The following DUS3L variants were observed in gnomAD, a reference collection of about 807,000 sequenced individuals.
DUS3L encodes dihydrouridine synthase 3 like, also known as tRNA-dihydrouridine(47) synthase [NAD(P)(+)]-like.
Under a neutral mutation model 74.6 loss-of-function variants are expected in DUS3L, and 62 were observed. The ratio of observed to expected loss-of-function variants is 0.83; its 90% CI spans 0.68 to 1.03. The LOEUF (loss-of-function observed/expected upper bound fraction) is 1.03. Among genes scored for constraint, DUS3L ranks in the 50% least tolerant of loss-of-function variants. DUS3L has a pLI of 0.00. For missense variants in DUS3L, 884 were observed against 924.4 expected, an observed-to-expected ratio of 0.96 and a Z score of 0.57; for synonymous variants, 433 against 395.7, an observed-to-expected ratio of 1.09 and a Z score of -1.12.
rs748437411 is a variant in DUS3L, at chr19:5,785,788, G to A, written c.1566C>T (p.Gly522=). The part of the protein sequence containing the change: ...TGVTGIMIAR[G]ALLKPWLFTE... ...TGAAGAGCCACGGCTTGAGCAGGGC[G>A]CCACTGTGGGACGGGTGACGATCAG... Residue 522 remains glycine (G), a synonymous_variant, in exon 11 of 13, where the codon GGC becomes GGT. Coordinates refer to ENST00000309061, the MANE Select transcript of DUS3L (RefSeq NM_020175.3). 35 of 1,591,110 alleles carry A rather than the reference G, an allele frequency of 2.2e-5. No individual in the cohort carries two copies. The East Asian group carries it at 5.4e-4, about 25-fold the overall frequency.
rs1481473449 is a variant in DUS3L at position 5,791,025 on chromosome 19, T to G, written c.98+19A>C. Reference sequence around the variant, plus strand: ...GCCGGAAAAGGCCCTTCAGCTTCCCTCCTGCCCCGGCGACTCACTGACGCT... The same window carrying G: ...GCCGGAAAAGGCCCTTCAGCTTCCCGCCTGCCCCGGCGACTCACTGACGCT... On this transcript the variant is annotated intron_variant, in intron 1 of 12. Transcript: ENST00000309061. 6.3e-7 allele frequency: 1 copy of G among 1,582,414 alleles called. No individual in the cohort carries two copies. The highest frequency in any genetic ancestry group is 8.6e-7 in the Non-Finnish European group (1 of 1,164,292).
At chr19:5,790,016 C>T in intron 2 of DUS3L, 31 bp downstream of exon 2, 1 of 1,606,724 alleles carries the variant, frequency 6.2e-7, no homozygotes, top group Non-Finnish European at 8.5e-7. Context: ...CCTGCCTGCC[C>T]CGGCAGGAAT....
intron 1 of DUS3L, 101 bp from the exon 2 acceptor site, chr19:5,790,436 T>G (rs147569003): frequency 1.3e-5 from 19 of 1,436,254 alleles, no homozygotes; most frequent in Admixed American, 1.9e-5. Flanking sequence ...CTTCTGCTGA[T>G]GGGGAGCTCA....
rs767431401 is a variant in DUS3L, at chr19:5,791,124, C to T, written c.18G>A (p.Ala6=). Residue 6 remains alanine, a synonymous_variant, in exon 1 of 13, where the codon GCG becomes GCA. Coordinates refer to ENST00000309061, the MANE Select transcript of DUS3L (RefSeq NM_020175.3). MAEGT[A]EAPLENGGGG... ...CACCACCATTCTCTAGAGGAGCCTCCGCCGTTCCCTCCGCCATCGGCGCCC... is the reference window on the plus strand; with the variant it reads ...CACCACCATTCTCTAGAGGAGCCTCTGCCGTTCCCTCCGCCATCGGCGCCC... The T allele has an allele frequency of 5.0e-6, 8 of 1,606,892 alleles. No individual in the cohort carries two copies. The highest frequency in any genetic ancestry group is 4.5e-5 in the South Asian group (4 of 89,520).
At chr19:5,789,932 G>C in intron 2 of DUS3L, 115 bp downstream of exon 2, 1 of 1,429,020 alleles carries the variant, frequency 7.0e-7, no homozygotes, top group Non-Finnish European at 9.5e-7. Context: ...TGGCATCAGA[G>C]CAAGCTCACT....
chr19:5,789,154 T>TA, intron 3 of DUS3L, 53 bp downstream of exon 3: 1 of 1,496,436 alleles, frequency 6.7e-7, no homozygotes, highest in Non-Finnish European at 8.9e-7. Context: ...TGGTATTTAA[T>TA]AGACGCACAC....
chr19:5,789,988 C>T, intron 2 of DUS3L, 59 bp downstream of exon 2: 1 of 1,596,388 alleles, frequency 6.3e-7, no homozygotes. Flanking sequence ...TACCCGCTGC[C>T]AGGAAACACA....
Position 5,785,448 on chromosome 19 carries a change from G to A in DUS3L, c.1815C>T (p.Tyr605=), listed in dbSNP as rs2056831705. Residue 605 remains tyrosine (Y), a synonymous_variant, in exon 12 of 13, where the codon TAC becomes TAT. Coordinates refer to ENST00000309061, the MANE Select transcript of DUS3L (RefSeq NM_020175.3). The part of the protein sequence containing the change: ...PQRINERPPY[Y]LGRDYLETLM... ...GCGTCTCCAGGTAGTCGCGGCCCAG[G>A]TAGTAGGGCGGCCGCTCGTTGATCC... The A allele has an allele frequency of 6.3e-7, 1 of 1,589,310 alleles. No homozygotes were observed. The highest frequency in any genetic ancestry group is 1.8e-5 in the Admixed American group (1 of 57,064).
chr19:5,789,244 T>C lies in DUS3L; in HGVS notation c.863A>G (p.Glu288Gly), dbSNP rs1006635155. The C allele has an allele frequency of 6.4e-7, 1 of 1,565,852 alleles. No individual in the cohort carries two copies. The highest frequency in any genetic ancestry group is 8.6e-7 in the Non-Finnish European group (1 of 1,159,202). ...ACAGGGCCGCAGCCTGACCACGTCC[T>C]CATCCGTCAGGGGCCCGCAGGTCCG... The part of the protein sequence containing the change: ...PVRTCGPLTD[E>G]DVVRLRPCEK... Residue 288 changes from glutamate to glycine, a missense_variant, in exon 3 of 13, where the codon GAG (glutamate) becomes GGG (glycine). Glu to Gly is a moderately conservative substitution (Grantham distance 98). Coordinates refer to ENST00000309061, the MANE Select transcript of DUS3L (RefSeq NM_020175.3).
rs2056852019 is a variant in DUS3L at position 5,787,135 on chromosome 19, C to A, written c.1315G>T (p.Gly439Cys). The A allele has an allele frequency of 1.0e-6, 1 of 974,124 alleles. No homozygotes were observed. Among genetic ancestry groups the A allele is most frequent in the Non-Finnish European group, 1.2e-6 (1 of 833,216 alleles). 60.3% of individuals were successfully genotyped at this position (974,124 alleles called of 1,614,324 possible). Residue 439 changes from glycine to cysteine, a missense_variant, in exon 8 of 13, where the codon GGC becomes TGC. Coordinates refer to ENST00000309061, the MANE Select transcript of DUS3L (RefSeq NM_020175.3). ...DVPLTVKIRT[G>C]VQERVNLAHR... is the part of the protein sequence containing the mutation. ...GCCAGGTTCACACGCTCCTGGACGC[C>A]TGTGCGGATCTTCACAGTCAGCGGC...
Position 5,790,111 on chromosome 19 carries a change from T to C in DUS3L, c.323A>G (p.Lys108Arg), listed in dbSNP as rs1352259873. 6.2e-7 allele frequency: 1 copy of C among 1,614,010 alleles called. No homozygotes were observed. The highest frequency in any genetic ancestry group is 8.5e-7 in the Non-Finnish European group (1 of 1,180,008). ...QTQKRARGQN[K>R]GRPHVKPTNY... ...CGTGGGCTTCACATGGGGCCGGCCC[T>C]TGTTTTGTCCCCGGGCCCTCTTCTG... The change falls in exon 2 of 13, where the codon AAG becomes AGG. Residue 108 changes from lysine (K) to arginine (R), a missense_variant. Lys to Arg is a conservative substitution (Grantham distance 26). Coordinates refer to ENST00000309061, the MANE Select transcript of DUS3L (RefSeq NM_020175.3).
intron 10 of DUS3L, 152 bp downstream of exon 10, chr19:5,786,315 C>T (rs751379762): frequency 1.1e-5 from 8 of 720,014 alleles, no homozygotes; most frequent in African/African-American, 1.8e-5. Context: ...TCCCCTCTGC[C>T]GCAACGCAGC....
rs778975901 is a variant in DUS3L at position 5,785,238 on chromosome 19, A to C, written c.1918T>G (p.Phe640Val). The change falls in exon 13 of 13, where the codon TTC (phenylalanine) becomes GTC (valine). Residue 640 changes from phenylalanine to valine, a missense_variant. Coordinates refer to ENST00000309061, the MANE Select transcript of DUS3L (RefSeq NM_020175.3). ...LLGPVPPSFA[F>V]LPKHKANAYK is the part of the protein sequence containing the mutation. ...GCGTTGGCCTTGTGCTTCGGCAAGA[A>C]GGCGAAGCTGGGGGGCACTGGCCCA... is the stretch of plus-strand genomic sequence containing the variant. 110 of 1,610,612 alleles carry C rather than the reference A, an allele frequency of 6.8e-5. No individual in the cohort carries two copies. The highest frequency in any genetic ancestry group is 8.9e-5 in the Non-Finnish European group (105 of 1,179,170).
chr19:5,790,861 C>G, intron 1 of DUS3L, 183 bp downstream of exon 1: 1 of 634,510 alleles, frequency 1.6e-6, no homozygotes, highest in Non-Finnish European at 2.8e-6. Flanking sequence ...ATGTGACAGG[C>G]CCCAACGTGC....
intron 9 of DUS3L, 23 bp from the exon 10 acceptor site, chr19:5,786,565 C>G: frequency 6.2e-7 from 1 of 1,611,182 alleles, no homozygotes; most frequent in Non-Finnish European, 8.5e-7. Flanking sequence ...AGGCTGGGGT[C>G]TCAGGGAGAC....
rs774409412 is a variant in DUS3L at position 5,791,119 on chromosome 19, G to A, written c.23C>T (p.Ala8Val). The A allele has an allele frequency of 6.2e-7, 1 of 1,607,350 alleles. No homozygotes were observed. Among genetic ancestry groups the A allele is most frequent in the South Asian group, 1.1e-5 (1 of 89,576 alleles). The change falls in exon 1 of 13, where the codon GCT becomes GTT. Residue 8 changes from alanine (A) to valine (V), a missense_variant. Physicochemically the swap from Ala to Val is moderately conservative, Grantham distance 64 (BLOSUM62 0). Coordinates refer to ENST00000309061, the MANE Select transcript of DUS3L (RefSeq NM_020175.3). MAEGTAE[A>V]PLENGGGGDS... ...GCCACCACCACCATTCTCTAGAGGA[G>A]CCTCCGCCGTTCCCTCCGCCATCGG...
chr19:5,786,874 G>A (rs1317686274), intron 8 of DUS3L, 29 bp from the exon 9 acceptor site: 1 of 1,586,314 alleles, frequency 6.3e-7, no homozygotes, highest in Non-Finnish European at 8.6e-7. Flanking sequence ...CGCAGGGTAG[G>A]AGGCAGAGAG....
intron 10 of DUS3L, 144 bp downstream of exon 10, chr19:5,786,323 A>G (rs2056841418): frequency 1.3e-6 from 1 of 748,498 alleles, no homozygotes; most frequent in Non-Finnish European, 2.1e-6. Flanking sequence ...GCCGCAACGC[A>G]GCTGCAACTC....
At chr19:5,787,021 G>A (rs369553117) in intron 8 of DUS3L, 40 bp downstream of exon 8, 12 of 1,504,846 alleles carry the variant, frequency 8.0e-6, no homozygotes, top group Admixed American at 6.2e-5. Context: ...ACGCGGGGTC[G>A]ACCGCGAGGC....
Sources: gnomAD v4.1 joint callset for allele counts on GRCh38, gnomAD v4.1.1 for gene constraint, MANE v1.5 for transcripts, NCBI Gene and HGNC (gene_info 2026-07-23, HGNC 2026-07-21) for gene names.